Variants in STAB1 observed in about 807,000 individuals in gnomAD.
The protein encoded by STAB1 is stabilin-1.
Under a neutral mutation model 332.4 loss-of-function variants are expected in STAB1, and 250 were observed. The ratio of observed to expected loss-of-function variants is 0.75; its 90% CI spans 0.68 to 0.84. The LOEUF (loss-of-function observed/expected upper bound fraction) is 0.84, where lower values mean the gene tolerates loss of function less well. STAB1 is among the 40% of genes least tolerant of loss of function. STAB1 has a pLI of 0.00. For missense variants in STAB1, 3,249 were observed against 3,489.7 expected (o/e 0.93, Z 1.74); for synonymous variants, 1,475 against 1,390.4 (o/e 1.06, Z -1.35).
rs1709496196 is a variant in STAB1, at chr3:52,514,116, A to T, written c.3449A>T (p.His1150Leu). 6.2e-7 allele frequency: 1 copy of T among 1,613,146 alleles called. No individual in the cohort carries two copies. Among genetic ancestry groups the T allele is most frequent in the Admixed American group, 1.7e-5 (1 of 59,998 alleles). ...AFSLFRELLQ[H>L]HGLVPQIEAA... ...CCCTGACCTCCACCCCATCCCTAGC[A>T]CCATGGGTTGGTGCCCCAGATTGAG... Residue 1150 changes from histidine to leucine, a missense_variant and splice_region_variant, in exon 33 of 69, where the codon CAC becomes CTC. Coordinates refer to ENST00000321725, the MANE Select transcript of STAB1 (RefSeq NM_015136.3).
chr3:52,519,446 G>A (rs375094880), intron 49 of STAB1, 42 bp downstream of exon 49: 2 of 1,611,780 alleles, frequency 1.2e-6, no homozygotes, highest in African/African-American at 1.3e-5. Flanking sequence ...ACAGGCAGGT[G>A]GGGGCCTGGG....
chr3:52,503,325 T>C lies in STAB1; in HGVS notation c.695-19T>C. ...TCCTGGGTGCTTGGCTCACTTGGGC[T>C]CTCTCTCTGCCCTGGCAGCCCCCAA... On this transcript the variant is annotated intron_variant, in intron 7 of 68. Coordinates refer to ENST00000321725, the MANE Select transcript of STAB1 (RefSeq NM_015136.3). 2 of 1,594,510 alleles carry C rather than the reference T, an allele frequency of 1.3e-6. No individual in the cohort carries two copies. Among genetic ancestry groups the C allele is most frequent in the South Asian group, 1.1e-5 (1 of 88,672 alleles).
rs780976654 is a variant in STAB1 at position 52,518,582 on chromosome 3, C to T, written c.4856C>T (p.Pro1619Leu). 2 of 1,602,292 alleles carry T rather than the reference C, an allele frequency of 1.2e-6. No homozygotes were observed. The highest frequency in any genetic ancestry group is 1.1e-5 in the South Asian group (1 of 89,550). ...GATGGGCCTTTCACCATCTTCGTGC[C>T]GCACGCAGATCTAATGAGCAACCTG... The part of the protein sequence containing the change: ...KGDGPFTIFV[P>L]HADLMSNLSQ... Residue 1619 changes from proline (P) to leucine (L), a missense_variant, in exon 47 of 69, where the codon CCG becomes CTG. By Grantham distance (98) the Pro-to-Leu change is moderately conservative. Coordinates refer to ENST00000321725, the MANE Select transcript of STAB1 (RefSeq NM_015136.3).
In STAB1 at chr3:52,510,030, CTG is replaced by C. The variant is rs760303386; in HGVS notation, c.2512_2513del (p.Val838Ter). The stretch of plus-strand genomic sequence containing the variant: ...CCCAGCACTGCCACCTGCATGCCCG[CTG>C]TGTTAGCCAGGAGGGTGTTGCCAGG... Reference protein sequence around the residue: ...LAQHCHLHARCVSQEGVARCR... With the variant: ...LAQHCHLHARXVSQEGVARCR... On this transcript the variant is annotated frameshift_variant, in exon 23 of 69. Transcript: ENST00000321725. LOFTEE classifies it high-confidence loss of function. 2.5e-6 allele frequency: 4 copies of C among 1,607,810 alleles called. No individual in the cohort carries two copies. The highest frequency in any genetic ancestry group is 3.4e-6 in the Non-Finnish European group (4 of 1,176,378).
chr3:52,508,595 G>A, intron 21 of STAB1: 1 of 501,216 alleles, frequency 2.0e-6, no homozygotes. Context: ...GCTGAGGCGG[G>A]CAGATCACTT....
rs1479760647 is a variant in STAB1, at chr3:52,515,028, C to T, written c.3847C>T (p.Gln1283Ter). The change falls in exon 36 of 69, where the codon CAG becomes TAG. Residue 1283 changes from glutamine (Q) to a stop codon, truncating the protein, a stop_gained. Coordinates refer to ENST00000321725, the MANE Select transcript of STAB1 (RefSeq NM_015136.3). LOFTEE classifies it high-confidence loss of function. The stretch of plus-strand genomic sequence containing the variant: ...CTGCACCAGGAGATTCCGCTGCACT[C>T]AGGGCTTCCAGCTGCAGGTGAGACT... ...VNCTRRFRCT[Q>*]GFQLQDTPRK... 1 of 1,613,406 alleles carries T rather than the reference C, an allele frequency of 6.2e-7. No individual in the cohort carries two copies. Among genetic ancestry groups the T allele is most frequent in the African/African-American group, 1.3e-5 (1 of 74,944 alleles).
chr3:52,499,621 C>T (rs1007866928), intron 1 of STAB1, among the ~76,000 whole-genome samples: 3 of 152,124 alleles, frequency 2.0e-5, no homozygotes, highest in Admixed American at 6.5e-5. Context: ...ACTGGCCGGC[C>T]GGGCGCGGTG....
chr3:52,502,562 A>T, intron 5 of STAB1, 70 bp from the exon 6 acceptor site: 5 of 1,354,496 alleles, frequency 3.7e-6, no homozygotes, highest in Admixed American at 1.7e-5. Context: ...TACAGAGAGC[A>T]GGGACCCGAT....
intron 65 of STAB1, 32 bp from the exon 66 acceptor site, chr3:52,523,618 GCT>G: frequency 6.2e-7 from 1 of 1,612,620 alleles, no homozygotes; most frequent in Non-Finnish European, 8.5e-7. Context: ...CCTGGCCCTC[GCT>G]CACAGTGGGC....
chr3:52,502,487 C>G (rs1328259455), intron 5 of STAB1, 145 bp from the exon 6 acceptor site: 1 of 819,120 alleles, frequency 1.2e-6, no homozygotes, highest in Non-Finnish European at 1.9e-6. Context: ...TCCCACCACC[C>G]CTGTGGTCCC....
intron 10 of STAB1, 148 bp from the exon 11 acceptor site, chr3:52,504,313 C>A: frequency 1.4e-6 from 2 of 1,382,576 alleles, no homozygotes; most frequent in Non-Finnish European, 2.0e-6. Context: ...GGGAGCTGCT[C>A]TCCAACCTCA....
chr3:52,514,859 C>T, intron 35 of STAB1, 30 bp downstream of exon 35: 2 of 1,612,760 alleles, frequency 1.2e-6, no homozygotes, highest in Non-Finnish European at 1.7e-6. Flanking sequence ...GGAAGGCCGG[C>T]ACGGGAGTTC....
intron 41 of STAB1, 62 bp downstream of exon 41, chr3:52,516,830 C>A: frequency 6.3e-7 from 1 of 1,590,800 alleles, no homozygotes; most frequent in Non-Finnish European, 8.6e-7. Flanking sequence ...CCCCACAGAG[C>A]CCCCTTCACT....
rs1243061899 is a variant in STAB1, at chr3:52,503,971, G to T, written c.1023-57G>T. ...CGTGCCCTCTGCGGGAAGGCGTGGG[G>T]GGTGCGGTGGGGGGGGCCTCAGCCT... On this transcript the variant is annotated intron_variant, in intron 9 of 68. Coordinates refer to ENST00000321725, the MANE Select transcript of STAB1 (RefSeq NM_015136.3). The T allele has an allele frequency of 2.5e-6, 4 of 1,610,136 alleles. No individual in the cohort carries two copies. The African/African-American group carries it at 5.3e-5, about 22-fold the overall frequency.
chr3:52,517,468 C>T (rs1040269017), intron 43 of STAB1, 75 bp downstream of exon 43: 35 of 1,580,660 alleles, frequency 2.2e-5, no homozygotes, highest in Non-Finnish European at 2.8e-5. Context: ...AGGGCAGGCC[C>T]GGGGAGGGGG....
Position 52,522,179 on chromosome 3 carries a change from T to G in STAB1, c.6414T>G (p.Asp2138Glu), listed in dbSNP as rs753263745. ...WSCRARNPCT[D>E]GHRGGCSEHA... ...GCCGGGCCCGCAACCCCTGCACAGA[T>G]GGCCACCGCGGGGGCTGCAGCGAGC... Residue 2138 changes from aspartate (D) to glutamate (E), a missense_variant, in exon 59 of 69, where the codon GAT (aspartate) becomes GAG (glutamate). Asp to Glu is a conservative substitution (Grantham distance 45). Transcript: ENST00000321725. The G allele has an allele frequency of 1.1e-5, 18 of 1,612,538 alleles. No individual in the cohort carries two copies. In the Admixed American group the frequency reaches 3.0e-4, roughly 27 times the overall value.
chr3:52,516,263 T>C, intron 38 of STAB1, 25 bp downstream of exon 38: 19 of 793,806 alleles, frequency 2.4e-5, no homozygotes, highest in Non-Finnish European at 3.9e-5. Flanking sequence ...GGGGCGGGGG[T>C]GGGCCTCCTG....
chr3:52,517,433 C>A (rs370450129), intron 43 of STAB1, 40 bp downstream of exon 43: 31 of 1,577,170 alleles, frequency 2.0e-5, no homozygotes, highest in Admixed American at 3.6e-5. Flanking sequence ...TCATGCCATG[C>A]CCTCACAGGA....
rs368994224 is a variant in STAB1, at chr3:52,521,018, G to A, written c.5908+13G>A. 96 of 1,525,222 alleles carry A rather than the reference G, an allele frequency of 6.3e-5. No homozygotes were observed. The highest frequency in any genetic ancestry group is 8.2e-5 in the Non-Finnish European group (93 of 1,138,368). The allele number at this position is 1,525,222 out of a possible 1,614,324, so 94.5% of individuals were successfully genotyped here. A position where few individuals can be genotyped will look rare whatever the true frequency, so the allele number is the denominator to read the frequency against. ...AGTGAGTGCCAAGGTGAGCATTGCA[G>A]ACACTGTTGACTAGCTCCTCTGTTC... On this transcript the variant is annotated intron_variant, in intron 55 of 68. Transcript: ENST00000321725.
Sources: gnomAD v4.1 joint callset for allele counts (sites outside exome capture counted in the v4.1 genomes callset) on GRCh38, gnomAD v4.1.1 for gene constraint, MANE v1.5 for transcripts, NCBI Gene and HGNC (gene_info 2026-07-23, HGNC 2026-07-21) for gene names.